Variants in RFTN1 observed in about 807,000 individuals in gnomAD.
RFTN1 encodes raftlin.
In RFTN1, 26 loss-of-function variants were observed where a neutral mutation model predicts 46.5. The ratio of observed to expected loss-of-function variants is 0.56; its 90% CI spans 0.41 to 0.78. The LOEUF (loss-of-function observed/expected upper bound fraction) is 0.78, where lower values mean the gene tolerates loss of function less well. Ranked by LOEUF, RFTN1 falls within the 30% of genes least tolerant of loss-of-function variation. The probability of loss-of-function intolerance (pLI) is 0.00; values close to 1 mark genes in which losing one functional copy is unlikely to be tolerated. For missense variants in RFTN1, 693 were observed against 718.7 expected, an observed-to-expected ratio of 0.96 and a Z score of 0.41; for synonymous variants, 261 against 284.2, an observed-to-expected ratio of 0.92 and a Z score of 0.82.
At chr3:16,391,893 T>C (rs1205547255) in intron 4 of RFTN1, among the ~76,000 whole-genome samples, 1 of 27,982 alleles carries the variant, frequency 3.6e-5, no homozygotes, top group African/African-American at 1.2e-4. Flanking sequence ...TTTTTTTTTT[T>C]GTTTTTTTTA....
chr3:16,364,758 G>T (rs569333728), intron 6 of RFTN1, among the ~76,000 whole-genome samples: 1 of 152,182 alleles, frequency 6.6e-6, no homozygotes, highest in Non-Finnish European at 1.5e-5. Context: ...AGAGAAAATG[G>T]TCTTCAATTA....
At chr3:16,393,326 A>AGACATTATG in intron 4 of RFTN1, among the ~76,000 whole-genome samples, 1 of 152,288 alleles carries the variant, frequency 6.6e-6, no homozygotes, top group East Asian at 1.9e-4. Context: ...GATGCACCAT[A>AGACATTATG]GACATTATGT....
At chr3:16,486,583 CA>C (rs1429887634) in intron 2 of RFTN1, among the ~76,000 whole-genome samples, 3 of 152,202 alleles carry the variant, frequency 2.0e-5, no homozygotes, top group Non-Finnish European at 4.4e-5. Context: ...GACTAACAGC[CA>C]ACTGTCCCTG....
At chr3:16,365,360 T>C (rs1043363396) in intron 6 of RFTN1, among the ~76,000 whole-genome samples, 1 of 150,680 alleles carries the variant, frequency 6.6e-6, no homozygotes, top group Non-Finnish European at 1.5e-5. Flanking sequence ...AATACAGCAC[T>C]GTGATGTTAA....
intron 7 of RFTN1, among the ~76,000 whole-genome samples, chr3:16,343,759 G>A (rs901711920): frequency 1.3e-5 from 2 of 152,230 alleles, no homozygotes; most frequent in Non-Finnish European, 2.9e-5. Flanking sequence ...TGTGGATCCA[G>A]AAACCATGAA....
At position 16,337,740 on chromosome 3, in the gene RFTN1, C is replaced by CA. The variant is rs5846920; in HGVS notation, c.1147-10865dup. ...CTGGCGACAGAGCGAGACTCCATCT[C>CA]AAAAAAAAAAAAAAAAAGAAAAGAA... On this transcript the variant is annotated intron_variant, in intron 7 of 9. Coordinates refer to ENST00000334133, the MANE Select transcript of RFTN1 (RefSeq NM_015150.2). The surrounding 1 kb of genome is among the most constrained non-coding windows in gnomAD (Gnocchi z 5.0). Among the ~76,000 whole-genome samples, 4,608 of 94,910 alleles carry CA rather than the reference C, an allele frequency of 0.049. 184 individuals carry two copies. The highest frequency in any genetic ancestry group is 0.11 in the African/African-American group (3,497 of 30,410). The allele number at this position is 94,910 out of a possible 152,430, so 62.3% of individuals were successfully genotyped here.
chr3:16,501,878 G>C (rs1441377352), intron 1 of RFTN1, among the ~76,000 whole-genome samples: 1 of 152,206 alleles, frequency 6.6e-6, no homozygotes, highest in Non-Finnish European at 1.5e-5. Context: ...CCCGTCGAAA[G>C]TGTTCCTGAT....
At position 16,379,700 on chromosome 3, in the gene RFTN1, T is replaced by TA. The variant is rs146569165; in HGVS notation, c.442-1599dup. ...TTGGCTCAATTCACTCTTCAAAAGTTAAAAAAAACAAAAGACAAAAAAATC... is the reference window on the plus strand; with the variant it reads ...TTGGCTCAATTCACTCTTCAAAAGTTAAAAAAAAACAAAAGACAAAAAAATC... On this transcript the variant is annotated intron_variant, in intron 4 of 9. Transcript: ENST00000334133. 0.015 allele frequency among the ~76,000 whole-genome samples: 2,288 copies of TA among 151,918 alleles called. 130 individuals carry two copies. In the East Asian group the frequency reaches 0.15, roughly 10 times the overall value.
At position 16,356,713 on chromosome 3, in the gene RFTN1, A is replaced by G. The variant is rs185493083; in HGVS notation, c.1146+1219T>C. 1.3e-3 allele frequency among the ~76,000 whole-genome samples: 191 copies of G among 152,316 alleles called. No individual in the cohort carries two copies. Among genetic ancestry groups the G allele is most frequent in the Middle Eastern group, 6.8e-3 (2 of 294 alleles). On this transcript the variant is annotated intron_variant, in intron 7 of 9. Transcript: ENST00000334133. The surrounding 1 kb of genome is among the most constrained non-coding windows in gnomAD (Gnocchi z 4.9). ...GGTCCCAGTGCCCCACACTCCTCAC[A>G]AAGGGTTGTATCCACCTCTGTCTTC...
chr3:16,342,469 T>TAC lies in RFTN1; in HGVS notation c.1146+15461_1146+15462dup, dbSNP rs1304559658. On this transcript the variant is annotated intron_variant, in intron 7 of 9. Coordinates refer to ENST00000334133, the MANE Select transcript of RFTN1 (RefSeq NM_015150.2). This position sits in a 1 kb window ranked among gnomAD's most constrained non-coding sequence, Gnocchi z 4.0. ...TAAGTTGTTTCTACTTTTTGGACAT[T>TAC]ACAAATAAAGCTGCCATCAACATTA... 6.6e-6 allele frequency among the ~76,000 whole-genome samples: 1 copy of TAC among 152,234 alleles called. No homozygotes were observed. The highest frequency in any genetic ancestry group is 1.5e-5 in the Non-Finnish European group (1 of 68,042).
rs1388270428 is a variant in RFTN1 at position 16,458,816 on chromosome 3, A to G, written c.146-24779T>C. Among the ~76,000 whole-genome samples the G allele has an allele frequency of 3.9e-5, 6 of 152,208 alleles. No homozygotes were observed. Among genetic ancestry groups the G allele is most frequent in the Non-Finnish European group, 8.8e-5 (6 of 68,024 alleles). On this transcript the variant is annotated intron_variant, in intron 2 of 9. Coordinates refer to ENST00000334133, the MANE Select transcript of RFTN1 (RefSeq NM_015150.2). The surrounding 1 kb of genome is among the most constrained non-coding windows in gnomAD (Gnocchi z 5.1). ...TCTTTTTAAATACACATTTATAATG[A>G]ATCTGTCCATCTGTTTTTCTAGCAG...
intron 7 of RFTN1, among the ~76,000 whole-genome samples, chr3:16,328,350 C>T (rs1409807747): frequency 2.0e-5 from 3 of 152,206 alleles, no homozygotes; most frequent in African/African-American, 7.2e-5. Context: ...AAGGTGGCCA[C>T]GTGTGGTGAG....
At chr3:16,389,104 C>T (rs1445311446) in intron 4 of RFTN1, among the ~76,000 whole-genome samples, 1 of 152,206 alleles carries the variant, frequency 6.6e-6, no homozygotes, top group Non-Finnish European at 1.5e-5. Flanking sequence ...TTTTCTTCCC[C>T]CCACCATCCT....
At chr3:16,340,819 A>G (rs1203123779) in intron 7 of RFTN1, among the ~76,000 whole-genome samples, 1 of 152,220 alleles carries the variant, frequency 6.6e-6, no homozygotes, top group African/African-American at 2.4e-5. Flanking sequence ...TTTCCGTGGG[A>G]TAAAAATTCC....
chr3:16,373,828 A>C (rs1035663342), intron 5 of RFTN1, among the ~76,000 whole-genome samples: 2 of 152,148 alleles, frequency 1.3e-5, no homozygotes, highest in African/African-American at 2.4e-5. Flanking sequence ...AACTAAGCAG[A>C]AAGGTTTGCA....
In RFTN1 at chr3:16,421,638, C is replaced by T. The variant is rs1272998496; in HGVS notation, c.333-12155G>A. 2.0e-5 allele frequency among the ~76,000 whole-genome samples: 3 copies of T among 152,190 alleles called. No individual in the cohort carries two copies. The highest frequency in any genetic ancestry group is 4.4e-5 in the Non-Finnish European group (3 of 68,042). On this transcript the variant is annotated intron_variant, in intron 3 of 9. Coordinates refer to ENST00000334133, the MANE Select transcript of RFTN1 (RefSeq NM_015150.2). This position sits in a 1 kb window ranked among gnomAD's most constrained non-coding sequence, Gnocchi z 4.6. ...GTGCTGGGATTACAGGTGTGAGCCA[C>T]CACGCCCAGCCCAACATTGGTGTTT...
At chr3:16,323,741 T>C (rs2069352263) in intron 8 of RFTN1, among the ~76,000 whole-genome samples, 1 of 152,186 alleles carries the variant, frequency 6.6e-6, no homozygotes, top group Admixed American at 6.5e-5. Flanking sequence ...CTTGGCCAAA[T>C]GTGGACACAC....
At chr3:16,403,719 T>TATATATA (rs2074681881) in intron 4 of RFTN1, among the ~76,000 whole-genome samples, 1 of 11,634 alleles carries the variant, frequency 8.6e-5, no homozygotes, top group African/African-American at 4.2e-4. Flanking sequence ...TAATATATAA[T>TATATATA]ATATATATTA....
rs2075443121 is a variant in RFTN1, at chr3:16,433,815, A to G, written c.332+36T>C. ...CCTCTATTGAGCATAACTTAGCCGC[A>G]ACAGGATGCTACCCATTCACCCGTG... On this transcript the variant is annotated intron_variant, in intron 3 of 9. Transcript: ENST00000334133. This position sits in a 1 kb window ranked among gnomAD's most constrained non-coding sequence, Gnocchi z 4.4. The G allele has an allele frequency of 6.2e-7, 1 of 1,607,302 alleles. No individual in the cohort carries two copies. Among genetic ancestry groups the G allele is most frequent in the East Asian group, 2.2e-5 (1 of 44,856 alleles).
Sources: allele counts gnomAD v4.1 joint callset (sites outside exome capture counted in the v4.1 genomes callset), GRCh38; gene constraint gnomAD v4.1.1; non-coding constraint Gnocchi (gnomAD v3.1); transcripts MANE v1.5; gene names NCBI Gene and HGNC (gene_info 2026-07-23, HGNC 2026-07-21).